Variants in ASCC3 observed in about 807,000 individuals in gnomAD.
ASCC3 encodes the protein activating signal cointegrator 1 complex subunit 3, also known as ASC-1 complex subunit P200.
A neutral mutation model predicts 256.3 loss-of-function variants in ASCC3; 158 were observed. The observed-to-expected ratio is 0.62, with a 90% CI of 0.54 to 0.70. ASCC3 has a LOEUF of 0.70. Ranked by LOEUF, ASCC3 falls within the 30% of genes least tolerant of loss-of-function variation. ASCC3 has a pLI of 0.00. For missense variants in ASCC3, 2,259 were observed against 2,626.0 expected (o/e 0.86, Z 3.05); for synonymous variants, 948 against 883.4 (o/e 1.07, Z -1.30).
At chr6:100,554,079 T>C (rs1443848526) in intron 36 of ASCC3, among the ~76,000 whole-genome samples, 1 of 152,176 alleles carries the variant, frequency 6.6e-6, no homozygotes, top group African/African-American at 2.4e-5. Context: ...GTAGTTTTAT[T>C]TGATATGTAA....
At chr6:100,632,604 G>T (rs181643621) in intron 25 of ASCC3, among the ~76,000 whole-genome samples, 62 of 152,198 alleles carry the variant, frequency 4.1e-4, no homozygotes, top group African/African-American at 1.2e-3. Context: ...CAGTGTGGAA[G>T]TATGGACCTG....
intron 16 of ASCC3, among the ~76,000 whole-genome samples, chr6:100,656,577 T>C (rs934043186): frequency 6.6e-6 from 1 of 151,520 alleles, no homozygotes; most frequent in African/African-American, 2.4e-5. Flanking sequence ...TTTTTAAATA[T>C]AGCATTTAAT....
chr6:100,567,735 T>C (rs950342756), intron 36 of ASCC3, among the ~76,000 whole-genome samples: 2 of 152,206 alleles, frequency 1.3e-5, no homozygotes, highest in East Asian at 1.9e-4. Context: ...GATTTCTTTT[T>C]TTTTGTGGCT....
chr6:100,614,642 C>T (rs1773569937), intron 30 of ASCC3, among the ~76,000 whole-genome samples: 4 of 152,056 alleles, frequency 2.6e-5, no homozygotes, highest in Admixed American at 2.6e-4. Flanking sequence ...AAGCACAATG[C>T]CACCCTCTAA....
At chr6:100,863,631 T>TC (rs895302806) in intron 3 of ASCC3, among the ~76,000 whole-genome samples, 8 of 152,062 alleles carry the variant, frequency 5.3e-5, no homozygotes, top group African/African-American at 1.9e-4. Context: ...TTTTTTCTGT[T>TC]CGAGACAGGG....
intron 1 of ASCC3, among the ~76,000 whole-genome samples, chr6:100,869,489 G>A (rs1773633738): frequency 6.6e-6 from 1 of 152,094 alleles, no homozygotes; most frequent in Non-Finnish European, 1.5e-5. Flanking sequence ...CAAGTAGGAT[G>A]ATTTGAAAAT....
intron 13 of ASCC3, among the ~76,000 whole-genome samples, chr6:100,692,136 A>G (rs1320197189): frequency 1.3e-5 from 2 of 152,078 alleles, no homozygotes; most frequent in African/African-American, 4.8e-5. Context: ...GCAAGAGGAA[A>G]GCAAAACTGA....
chr6:100,699,369 C>A (rs573625328), intron 13 of ASCC3, among the ~76,000 whole-genome samples: 2 of 152,226 alleles, frequency 1.3e-5, no homozygotes, highest in South Asian at 4.1e-4. Context: ...TGCCGCCATC[C>A]ATGTAAGACA....
chr6:100,678,074 T>C (rs962396246), intron 14 of ASCC3, among the ~76,000 whole-genome samples: 4 of 152,126 alleles, frequency 2.6e-5, no homozygotes, highest in African/African-American at 7.2e-5. Flanking sequence ...ATTGTAAGGA[T>C]TGAATGAGTT....
intron 12 of ASCC3, among the ~76,000 whole-genome samples, chr6:100,716,536 C>G (rs1281560396): frequency 6.6e-6 from 1 of 151,820 alleles, no homozygotes. Context: ...ACTCTTATGA[C>G]CTATAACGGC....
chr6:100,647,353 G>C lies in ASCC3; in HGVS notation c.3351C>G (p.Asp1117Glu), dbSNP rs752722075. The C allele has an allele frequency of 3.1e-6, 5 of 1,613,854 alleles. No individual in the cohort carries two copies. In the Admixed American group the frequency reaches 8.3e-5, roughly 27 times the overall value. ...GGCTAGCCCAACCCCAAAGCCTCTT[G>C]TCAATGACTTTACTAAGATTCAGGA... ...YRLLNLSKVIDKRLWGWASPL... is the reference protein window; with the variant it reads ...YRLLNLSKVIEKRLWGWASPL... The change falls in exon 21 of 42, where the codon GAC becomes GAG. Residue 1117 changes from aspartate (D) to glutamate (E), a missense_variant. By Grantham distance (45) the Asp-to-Glu change is conservative. This residue lies in a region of ASCC3 where 1,839 missense variants were observed against 2,206.7 expected (regional missense o/e 0.83). Coordinates refer to ENST00000369162, the MANE Select transcript of ASCC3 (RefSeq NM_006828.4).
chr6:100,559,411 C>T (rs895912847), intron 36 of ASCC3, among the ~76,000 whole-genome samples: 2 of 152,088 alleles, frequency 1.3e-5, no homozygotes, highest in Non-Finnish European at 1.5e-5. Flanking sequence ...TAACCATTAG[C>T]GGACCACATT....
chr6:100,792,366 T>C (rs1219329277), intron 8 of ASCC3, among the ~76,000 whole-genome samples: 1 of 151,954 alleles, frequency 6.6e-6, no homozygotes, highest in Non-Finnish European at 1.5e-5. Context: ...ATGAATTTTT[T>C]TTGGTTAAAA....
At chr6:100,872,469 C>A (rs846776) in intron 1 of ASCC3, among the ~76,000 whole-genome samples, 5 of 128,842 alleles carry the variant, frequency 3.9e-5, no homozygotes, top group Non-Finnish European at 8.2e-5. Flanking sequence ...AAAAAAGGGT[C>A]GGGGGGGGAT....
At chr6:100,806,052 G>A (rs1770165052) in intron 4 of ASCC3, among the ~76,000 whole-genome samples, 172 bp from the exon 5 acceptor site, 1 of 151,874 alleles carries the variant, frequency 6.6e-6, no homozygotes. Flanking sequence ...ACATTGCCAA[G>A]AAGCTTTATA....
intron 37 of ASCC3, among the ~76,000 whole-genome samples, chr6:100,528,002 ATT>A (rs558311857): frequency 7.0e-6 from 1 of 143,374 alleles, no homozygotes; most frequent in Non-Finnish European, 1.5e-5. Context: ...TGCCCAGCTA[ATT>A]TTTTTTTTTT....
intron 24 of ASCC3, among the ~76,000 whole-genome samples, chr6:100,642,243 T>C (rs1290534140): frequency 1.3e-5 from 2 of 152,090 alleles, no homozygotes; most frequent in Non-Finnish European, 1.5e-5. Context: ...ATCCATTCCA[T>C]AGTGATACCA....
At chr6:100,709,034 C>T (rs1190150740) in intron 13 of ASCC3, among the ~76,000 whole-genome samples, 5 of 150,422 alleles carry the variant, frequency 3.3e-5, no homozygotes, top group African/African-American at 1.2e-4. Flanking sequence ...TCCAAAATGG[C>T]AAACATACAT....
intron 3 of ASCC3, among the ~76,000 whole-genome samples, chr6:100,850,407 T>C (rs1175804041): frequency 6.6e-6 from 1 of 152,162 alleles, no homozygotes; most frequent in Non-Finnish European, 1.5e-5. Flanking sequence ...TCAAGATGAG[T>C]ACAACGTTGA....
Sources: gnomAD v4.1 joint callset for allele counts (sites outside exome capture counted in the v4.1 genomes callset) on GRCh38, gnomAD v4.1.1 for gene constraint, gnomAD v4.1.1 regional missense constraint, MANE v1.5 for transcripts, NCBI Gene and HGNC (gene_info 2026-07-23, HGNC 2026-07-21) for gene names.